TRPS1: variants seen among roughly 807,000 people sequenced by gnomAD.
The protein encoded by TRPS1 is zinc finger transcription factor Trps1.
A neutral mutation model predicts 101.2 loss-of-function variants in TRPS1; 6 were observed. That is an observed-to-expected ratio of 0.06 (90% CI 0.03 to 0.12). TRPS1 has a LOEUF of 0.12. Ranked by LOEUF, TRPS1 falls within the 10% of genes least tolerant of loss-of-function variation. The probability of loss-of-function intolerance (pLI) is 1.00; values close to 1 mark genes in which losing one functional copy is unlikely to be tolerated. For missense variants in TRPS1, 1,363 were observed against 1,567.0 expected, an observed-to-expected ratio of 0.87 and a Z score of 2.20; for synonymous variants, 578 against 589.8, an observed-to-expected ratio of 0.98 and a Z score of 0.29.
chr8:115,473,707 GT>G (rs1202086976), intron 5 of TRPS1, among the ~76,000 whole-genome samples: 10 of 152,282 alleles, frequency 6.6e-5, no homozygotes, highest in African/African-American at 2.4e-4. Context: ...CCATCTATCA[GT>G]CTTAATTAGC....
chr8:115,452,059 G>A (rs1563740870), intron 5 of TRPS1, among the ~76,000 whole-genome samples: 1 of 152,116 alleles, frequency 6.6e-6, no homozygotes, highest in Non-Finnish European at 1.5e-5. Flanking sequence ...TCTCAAAGCT[G>A]TGTAAATCTA....
At chr8:115,497,901 A>G (rs1240467445) in intron 5 of TRPS1, among the ~76,000 whole-genome samples, 2 of 147,058 alleles carry the variant, frequency 1.4e-5, no homozygotes, top group Non-Finnish European at 3.0e-5. Context: ...GATTAGAGGC[A>G]TCCAAAAAGG....
intron 5 of TRPS1, among the ~76,000 whole-genome samples, chr8:115,553,626 C>T (rs1470506406): frequency 6.6e-6 from 1 of 152,060 alleles, no homozygotes; most frequent in Non-Finnish European, 1.5e-5. Context: ...AGTAAATAGA[C>T]AATGAATTAT....
At chr8:115,597,736 A>C in intron 4 of TRPS1, among the ~76,000 whole-genome samples, 1 of 151,976 alleles carries the variant, frequency 6.6e-6, no homozygotes, top group East Asian at 1.9e-4. Flanking sequence ...ATTTGTATTT[A>C]TGTGTTATGT....
At position 115,612,131 on chromosome 8, in the gene TRPS1, G is replaced by C. The variant is rs1217404244; in HGVS notation, c.966+7001C>G. On this transcript the variant is annotated intron_variant, in intron 3 of 6. Coordinates refer to ENST00000395715, the MANE Select transcript of TRPS1 (RefSeq NM_014112.5). ...AAGAGAAGGAGAAAGGAAGATAAAA[G>C]AAGGAGGACAGAAGAAAAGAACAGA... 1.8e-4 allele frequency among the ~76,000 whole-genome samples: 24 copies of C among 131,054 alleles called. No individual in the cohort carries two copies. In the Admixed American group the frequency reaches 2.0e-3, roughly 11 times the overall value. 86.0% of individuals were successfully genotyped at this position (131,054 alleles called of 152,430 possible).
At chr8:115,533,277 T>G (rs1404318522) in intron 5 of TRPS1, among the ~76,000 whole-genome samples, 1 of 152,024 alleles carries the variant, frequency 6.6e-6, no homozygotes, top group Non-Finnish European at 1.5e-5. Flanking sequence ...CCCACCACCC[T>G]CTGGTGAATC....
chr8:115,426,645 G>A (rs540488687), intron 5 of TRPS1, among the ~76,000 whole-genome samples: 1 of 152,008 alleles, frequency 6.6e-6, no homozygotes, highest in East Asian at 1.9e-4. Context: ...ACACTCTTGG[G>A]GATCATACAA....
chr8:115,601,006 A>G (rs533033035), intron 4 of TRPS1, among the ~76,000 whole-genome samples: 19 of 152,266 alleles, frequency 1.2e-4, no homozygotes, highest in African/African-American at 4.3e-4. Context: ...CAGTTCCACC[A>G]AGTTTAACTT....
chr8:115,657,875 C>G (rs1415807455), intron 1 of TRPS1, among the ~76,000 whole-genome samples: 3 of 151,938 alleles, frequency 2.0e-5, no homozygotes, highest in Admixed American at 2.0e-4. Context: ...TAAGCTTTTT[C>G]CTCTTCTTAG....
intron 3 of TRPS1, among the ~76,000 whole-genome samples, chr8:115,616,776 T>C (rs7818516): frequency 0.059 from 8,984 of 152,184 alleles, 825 homozygotes; most frequent in African/African-American, 0.2. Flanking sequence ...CTGACAAAAC[T>C]ACATTAAAGA....
In TRPS1 at chr8:115,413,293, T is replaced by C. The variant is rs956065914; in HGVS notation, c.*730A>G. 8 of 152,430 alleles carry C rather than the reference T, an allele frequency of 5.2e-5. No homozygotes were observed. The highest frequency in any genetic ancestry group is 1.9e-4 in the African/African-American group (8 of 41,382). 9.4% of individuals were successfully genotyped at this position (152,430 alleles called of 1,614,324 possible). A position where few individuals can be genotyped will look rare whatever the true frequency, so the allele number is the denominator to read the frequency against. On this transcript the variant is annotated 3_prime_UTR_variant, in exon 7 of 7. Transcript: ENST00000395715. ...AAAATGGGTACATGTGTGGACAAAATGAATCTAAACCGCAAACAAAAGGAC... is the reference window on the plus strand; with the variant it reads ...AAAATGGGTACATGTGTGGACAAAACGAATCTAAACCGCAAACAAAAGGAC...
chr8:115,455,654 T>C (rs1818195440), intron 5 of TRPS1, among the ~76,000 whole-genome samples: 1 of 152,146 alleles, frequency 6.6e-6, no homozygotes, highest in Non-Finnish European at 1.5e-5. Context: ...GACTCAATAA[T>C]ATACCTAGTA....
At chr8:115,480,855 T>A (rs1382648550) in intron 5 of TRPS1, among the ~76,000 whole-genome samples, 1 of 152,266 alleles carries the variant, frequency 6.6e-6, no homozygotes, top group East Asian at 1.9e-4. Flanking sequence ...TTCATGCTAA[T>A]GATTTGATTC....
chr8:115,614,980 CCT>C (rs1257229721), intron 3 of TRPS1, among the ~76,000 whole-genome samples: 1 of 152,074 alleles, frequency 6.6e-6, no homozygotes, highest in Non-Finnish European at 1.5e-5. Flanking sequence ...AGGATGACTT[CCT>C]CTCTCTAAAA....
intron 1 of TRPS1, among the ~76,000 whole-genome samples, chr8:115,665,444 G>A (rs117229138): frequency 0.013 from 2,017 of 152,180 alleles, 25 homozygotes; most frequent in Non-Finnish European, 0.02. Flanking sequence ...TTCTACAGAT[G>A]CATGCATTTC....
At chr8:115,548,681 T>C (rs1816635879) in intron 5 of TRPS1, among the ~76,000 whole-genome samples, 1 of 152,232 alleles carries the variant, frequency 6.6e-6, no homozygotes, top group East Asian at 1.9e-4. Context: ...TTAAAACCTT[T>C]AACATTAAAT....
chr8:115,479,938 G>A (rs1191873113), intron 5 of TRPS1, among the ~76,000 whole-genome samples: 1 of 152,052 alleles, frequency 6.6e-6, no homozygotes, highest in East Asian at 1.9e-4. Context: ...ACAATTCCCA[G>A]GTAGTAAAAT....
At position 115,475,266 on chromosome 8, in the gene TRPS1, TTATATATATATATATATATA is replaced by T. The variant is rs33922102; in HGVS notation, c.2701-56834_2701-56815del. On this transcript the variant is annotated intron_variant, in intron 5 of 6. Transcript: ENST00000395715. The stretch of plus-strand genomic sequence containing the variant: ...TTTACTATATATTTTTGAATCACAG[TTATATATATATATATATATA>T]TATATATATATATATATATTTGTTA... Among the ~76,000 whole-genome samples the T allele has an allele frequency of 6.3e-4, 78 of 123,978 alleles. 1 individual carries two copies. Among genetic ancestry groups the T allele is most frequent in the East Asian group, 3.8e-3 (15 of 3,972 alleles). The allele number at this position is 123,978 out of a possible 152,430, so 81.3% of individuals were successfully genotyped here. A position where few individuals can be genotyped will look rare whatever the true frequency, so the allele number is the denominator to read the frequency against.
chr8:115,571,404 G>A (rs1432801756), intron 5 of TRPS1, among the ~76,000 whole-genome samples: 1 of 151,990 alleles, frequency 6.6e-6, no homozygotes, highest in Admixed American at 6.6e-5. Context: ...TGGGTAAATA[G>A]GCTAGTAAAA....
Sources: gnomAD v4.1 joint callset for allele counts (sites outside exome capture counted in the v4.1 genomes callset) on GRCh38, gnomAD v4.1.1 for gene constraint, MANE v1.5 for transcripts, NCBI Gene and HGNC (gene_info 2026-07-23, HGNC 2026-07-21) for gene names.